WIPF1: variants seen among roughly 807,000 people sequenced by gnomAD.
WIPF1 encodes the protein WAS/WASL-interacting protein family member 1.
A neutral mutation model predicts 35.4 loss-of-function variants in WIPF1; 13 were observed. The ratio of observed to expected loss-of-function variants is 0.37; its 90% CI spans 0.24 to 0.58. The LOEUF (loss-of-function observed/expected upper bound fraction) is 0.58. WIPF1 is among the 20% of genes least tolerant of loss of function. WIPF1 has a pLI of 0.74. For synonymous variants in WIPF1, 267 were observed against 266.3 expected, an observed-to-expected ratio of 1.00 and a Z score of -0.02; for missense variants, 591 against 667.0, an observed-to-expected ratio of 0.89 and a Z score of 1.25.
At chr2:174,639,003 T>G (rs1687242503) in intron 1 of WIPF1, among the ~76,000 whole-genome samples, 1 of 152,238 alleles carries the variant, frequency 6.6e-6, no homozygotes, top group Non-Finnish European at 1.5e-5. Flanking sequence ...TTTTCTTTTT[T>G]GTAAATTCTT....
In WIPF1 at chr2:174,582,676, GCCT is replaced by G. The variant is rs541937664; in HGVS notation, c.52-1240_52-1238del. Among the ~76,000 whole-genome samples the G allele has an allele frequency of 3.9e-3, 594 of 152,284 alleles. 2 individuals are homozygous for G. The highest frequency in any genetic ancestry group is 9.2e-3 in the Admixed American group (141 of 15,296). On this transcript the variant is annotated intron_variant, in intron 2 of 7. Coordinates refer to ENST00000679041, the MANE Select transcript of WIPF1 (RefSeq NM_001375834.1). ...GGGCTCAAGTGATCCTCCTGCCTCA[GCCT>G]CCTGAGTAGTTGGGATTACAGGCAC... is the stretch of plus-strand genomic sequence containing the variant.
chr2:174,644,705 A>G (rs1687366495), intron 1 of WIPF1, among the ~76,000 whole-genome samples: 1 of 152,200 alleles, frequency 6.6e-6, no homozygotes, highest in South Asian at 2.1e-4. Flanking sequence ...AGATTAGGTG[A>G]TGTCACGAAA....
intron 1 of WIPF1, among the ~76,000 whole-genome samples, chr2:174,613,912 G>A (rs985982011): frequency 6.6e-6 from 1 of 152,004 alleles, no homozygotes; most frequent in African/African-American, 2.4e-5. Flanking sequence ...AAAAAAGTAG[G>A]TGCTAATCAT....
At chr2:174,662,949 T>C (rs1406450371) in intron 1 of WIPF1, among the ~76,000 whole-genome samples, 2 of 152,214 alleles carry the variant, frequency 1.3e-5, no homozygotes, top group African/African-American at 4.8e-5. Context: ...CTAGGAAAAA[T>C]ACCTCCACTT....
At chr2:174,574,848 C>T (rs1398462878) in intron 4 of WIPF1, 2 of 716,878 alleles carry the variant, frequency 2.8e-6, no homozygotes, top group Non-Finnish European at 5.2e-6. Flanking sequence ...TGGGCTACCT[C>T]ACAAAGAAAG....
rs143984969 is a variant in WIPF1 at position 174,578,478 on chromosome 2, T to A, written c.181+2832A>T. 6.3e-3 allele frequency among the ~76,000 whole-genome samples: 956 copies of A among 152,362 alleles called. 13 individuals carry two copies. The highest frequency in any genetic ancestry group is 0.022 in the African/African-American group (922 of 41,584). Reference sequence around the variant, plus strand: ...AGAGAAAGTAATTTAATAAAGTTTTTATCTTTTCCCTTGCTCATTGAGGTT... The same window carrying A: ...AGAGAAAGTAATTTAATAAAGTTTTAATCTTTTCCCTTGCTCATTGAGGTT... On this transcript the variant is annotated intron_variant, in intron 3 of 7. Coordinates refer to ENST00000679041, the MANE Select transcript of WIPF1 (RefSeq NM_001375834.1).
In WIPF1 at chr2:174,562,341, C is replaced by CAATA; in HGVS notation, c.*202_*205dup. The CAATA allele has an allele frequency of 1.3e-6, 2 of 1,483,722 alleles. No individual in the cohort carries two copies. Among genetic ancestry groups the CAATA allele is most frequent in the South Asian group, 2.8e-5 (2 of 72,546 alleles). The allele number at this position is 1,483,722 out of a possible 1,614,324, so 91.9% of individuals were successfully genotyped here. A position where few individuals can be genotyped will look rare whatever the true frequency, so the allele number is the denominator to read the frequency against. On this transcript the variant is annotated 3_prime_UTR_variant, in exon 8 of 8. Transcript: ENST00000679041. ...ACAGGCAGGCTGCAGCTGAAGCAAG[C>CAATA]AATAGCCTGGAGAATAAACACAATA...
At chr2:174,576,024 T>C (rs746724391) in intron 3 of WIPF1, among the ~76,000 whole-genome samples, 10 of 152,096 alleles carry the variant, frequency 6.6e-5, no homozygotes, top group Non-Finnish European at 1.0e-4. Context: ...AGGCTGAGAC[T>C]GGAGGATAGC....
At chr2:174,614,400 G>C (rs186458065) in intron 1 of WIPF1, among the ~76,000 whole-genome samples, 12 of 152,296 alleles carry the variant, frequency 7.9e-5, no homozygotes, top group South Asian at 6.2e-4. Flanking sequence ...TCTAGTGGTT[G>C]AGGAGTAAAC....
intron 1 of WIPF1, among the ~76,000 whole-genome samples, chr2:174,619,076 C>G (rs1397520729): frequency 1.3e-5 from 2 of 152,128 alleles, no homozygotes; most frequent in African/African-American, 2.4e-5. Flanking sequence ...ACCTCAGCCT[C>G]CTGAGTAGCT....
Position 174,679,111 on chromosome 2 carries a change from A to G in WIPF1, c.-39+3663T>C, listed in dbSNP as rs556813656. 1.0e-3 allele frequency among the ~76,000 whole-genome samples: 158 copies of G among 152,328 alleles called. 1 individual carries two copies. The highest frequency in any genetic ancestry group is 1.9e-3 in the Non-Finnish European group (128 of 68,042). ...CCAGCCAATCTGCTAAGTAATTCAC[A>G]TACATCACCTCATCTGACCCTTAGA... On this transcript the variant is annotated intron_variant, in intron 1 of 8. Transcript: ENST00000272746.
At chr2:174,671,482 C>G (rs1688017062) in intron 1 of WIPF1, among the ~76,000 whole-genome samples, 1 of 152,156 alleles carries the variant, frequency 6.6e-6, no homozygotes, top group Non-Finnish European at 1.5e-5. Flanking sequence ...AACACGATAA[C>G]AGCAATGTTC....
chr2:174,577,011 C>T (rs1685084359), intron 3 of WIPF1, among the ~76,000 whole-genome samples: 1 of 152,068 alleles, frequency 6.6e-6, no homozygotes, highest in South Asian at 2.1e-4. Context: ...GGTATATTTT[C>T]CCATTTATTT....
chr2:174,564,763 C>A (rs1322916251), intron 7 of WIPF1, among the ~76,000 whole-genome samples: 2 of 150,694 alleles, frequency 1.3e-5, no homozygotes, highest in Non-Finnish European at 3.0e-5. Flanking sequence ...TTATTGGTGC[C>A]CAAGAAGGAA....
At chr2:174,629,576 T>G (rs1325723912) in intron 1 of WIPF1, 1 of 152,196 alleles carries the variant, frequency 6.6e-6, no homozygotes, top group Non-Finnish European at 1.5e-5. Flanking sequence ...TGAAAGCATA[T>G]ATTGTTTGCT....
intron 7 of WIPF1, among the ~76,000 whole-genome samples, chr2:174,564,580 A>C (rs1181578362): frequency 6.6e-6 from 1 of 152,204 alleles, no homozygotes; most frequent in Admixed American, 6.5e-5. Flanking sequence ...TCAAGTCTTA[A>C]AGGAGGATGG....
chr2:174,585,673 T>C, intron 1 of WIPF1, 62 bp from the exon 2 acceptor site: 1 of 1,224,386 alleles, frequency 8.2e-7, no homozygotes, highest in Non-Finnish European at 1.2e-6. Flanking sequence ...TCCTAATCTG[T>C]CTTCACTTTC....
chr2:174,680,628 G>A (rs1688226566), intron 1 of WIPF1, among the ~76,000 whole-genome samples: 1 of 152,184 alleles, frequency 6.6e-6, no homozygotes, highest in South Asian at 2.1e-4. Context: ...GGAACACCTT[G>A]AAATAGCAAA....
At chr2:174,567,513 G>A (rs896223986) in intron 6 of WIPF1, among the ~76,000 whole-genome samples, 6 of 152,226 alleles carry the variant, frequency 3.9e-5, no homozygotes, top group African/African-American at 4.8e-5. Context: ...TCTGCAGGCC[G>A]TCAGGCCTCT....
Sources: allele counts gnomAD v4.1 joint callset (sites outside exome capture counted in the v4.1 genomes callset), GRCh38; gene constraint gnomAD v4.1.1; transcripts MANE v1.5; gene names NCBI Gene and HGNC (gene_info 2026-07-23, HGNC 2026-07-21).